Variants in AADACL3 observed in about 807,000 individuals in gnomAD.
AADACL3 encodes the protein arylacetamide deacetylase like 3.
In AADACL3, 13 loss-of-function variants were observed where a neutral mutation model predicts 13.6. That is an observed-to-expected ratio of 0.95 (90% CI 0.62 to 1.52). The LOEUF is 1.52. AADACL3 is among the 40% of genes most tolerant of loss of function. The pLI is 0.00. For synonymous variants in AADACL3, 195 were observed against 197.0 expected, an observed-to-expected ratio of 0.99 and a Z score of 0.08; for missense variants, 519 against 499.2, an observed-to-expected ratio of 1.04 and a Z score of -0.38.
At chr1:12,719,907 A>T (rs1648531471) in intron 2 of AADACL3, among the ~76,000 whole-genome samples, 1 of 152,208 alleles carries the variant, frequency 6.6e-6, no homozygotes, top group Admixed American at 6.5e-5. Flanking sequence ...TAGTTAAATT[A>T]ACAATACTGT....
chr1:12,717,275 T>A (rs1648458024), intron 1 of AADACL3, among the ~76,000 whole-genome samples: 1 of 152,180 alleles, frequency 6.6e-6, no homozygotes. Flanking sequence ...AGTCAGCTTT[T>A]ATAAGATGCA....
At chr1:12,716,472 AC>A in intron 1 of AADACL3, 128 bp downstream of exon 1, 1 of 1,328,770 alleles carries the variant, frequency 7.5e-7, no homozygotes, top group African/African-American at 1.4e-5. Context: ...AGCTGATCAG[AC>A]CTTCTGAAAT....
intron 2 of AADACL3, 95 bp from the exon 3 acceptor site, chr1:12,720,788 A>C (rs563583119): frequency 9.4e-7 from 1 of 1,063,912 alleles, no homozygotes; most frequent in Non-Finnish European, 1.4e-6. Flanking sequence ...CCTAGTCGGC[A>C]TCGGCCCAAG....
rs1003345100 is a variant in AADACL3, at chr1:12,727,810, A to G, written c.*1814A>G. On this transcript the variant is annotated 3_prime_UTR_variant, in exon 4 of 4. Transcript: ENST00000359318. ...AATGGGTGAGGCCGCCTCTGAGACAAGCCTCTGAGTTGAGGCTGGGAGAGG... is the reference window on the plus strand; with the variant it reads ...AATGGGTGAGGCCGCCTCTGAGACAGGCCTCTGAGTTGAGGCTGGGAGAGG... 14 of 152,190 alleles carry G rather than the reference A, an allele frequency of 9.2e-5. No homozygotes were observed. The highest frequency in any genetic ancestry group is 3.1e-4 in the African/African-American group (13 of 41,436). The allele number at this position is 152,190 out of a possible 1,614,324, so 9.4% of individuals were successfully genotyped here.
Position 12,716,146 on chromosome 1 carries a change from T to A in AADACL3, c.-31T>A. ...TAAATGGTTTACACTGCGCACAGCT[T>A]CCTCTCAGCCCGCTCTGAGCTGGAA... On this transcript the variant is annotated 5_prime_UTR_variant, in exon 1 of 4. Coordinates refer to ENST00000359318, the MANE Select transcript of AADACL3 (RefSeq NM_001103170.3). 1.4e-6 allele frequency: 1 copy of A among 692,778 alleles called. No individual in the cohort carries two copies. The highest frequency in any genetic ancestry group is 2.6e-5 in the East Asian group (1 of 38,574). The allele number at this position is 692,778 out of a possible 1,614,324, so 42.9% of individuals were successfully genotyped here. A position where few individuals can be genotyped will look rare whatever the true frequency, so the allele number is the denominator to read the frequency against.
At chr1:12,717,784 T>C (rs1316356668) in intron 1 of AADACL3, among the ~76,000 whole-genome samples, 2 of 152,096 alleles carry the variant, frequency 1.3e-5, no homozygotes, top group Non-Finnish European at 2.9e-5. Flanking sequence ...TCCTGGGGCA[T>C]CTTGAGCCCC....
chr1:12,716,156 C>A lies in AADACL3; in HGVS notation c.-21C>A. 1 of 728,470 alleles carries A rather than the reference C, an allele frequency of 1.4e-6. No individual in the cohort carries two copies. Among genetic ancestry groups the A allele is most frequent in the Non-Finnish European group, 2.4e-6 (1 of 410,368 alleles). 45.1% of individuals were successfully genotyped at this position (728,470 alleles called of 1,614,324 possible). A position where few individuals can be genotyped will look rare whatever the true frequency, so the allele number is the denominator to read the frequency against. On this transcript the variant is annotated 5_prime_UTR_variant, in exon 1 of 4. Transcript: ENST00000359318. ...ACACTGCGCACAGCTTCCTCTCAGC[C>A]CGCTCTGAGCTGGAAGCAGCATGTG...
rs1333392006 is a variant in AADACL3, at chr1:12,726,516, T to C, written c.*520T>C. On this transcript the variant is annotated 3_prime_UTR_variant, in exon 4 of 4. Coordinates refer to ENST00000359318, the MANE Select transcript of AADACL3 (RefSeq NM_001103170.3). ...CACCCACCTACTCTTCTGTGAACAG[T>C]AGTGACTTTTCCCGCTGTTTCTCAG... The C allele has an allele frequency of 2.6e-5, 4 of 154,224 alleles. No individual in the cohort carries two copies. Among genetic ancestry groups the C allele is most frequent in the African/African-American group, 9.7e-5 (4 of 41,434 alleles). 9.6% of individuals were successfully genotyped at this position (154,224 alleles called of 1,614,324 possible).
At chr1:12,723,137 G>T (rs1301172158) in intron 3 of AADACL3, among the ~76,000 whole-genome samples, 1 of 152,088 alleles carries the variant, frequency 6.6e-6, no homozygotes, top group African/African-American at 2.4e-5. Context: ...TTCTCAGAGT[G>T]CTGAGGTTAT....
chr1:12,718,733 T>C (rs1648496294), intron 1 of AADACL3, among the ~76,000 whole-genome samples: 2 of 152,166 alleles, frequency 1.3e-5, no homozygotes. Flanking sequence ...ACTCCTGACC[T>C]CAAGTGACCC....
Position 12,725,281 on chromosome 1 carries a change from C to T in AADACL3, c.509C>T (p.Thr170Ile), listed in dbSNP as rs762277517. 1.2e-6 allele frequency: 2 copies of T among 1,613,816 alleles called. No homozygotes were observed. The highest frequency in any genetic ancestry group is 1.7e-6 in the Non-Finnish European group (2 of 1,179,896). The stretch of plus-strand genomic sequence containing the variant: ...CCAGTAAGAGACTGCTTGGTGGCCA[C>T]CATCCACTTCCTGAAGTCCCTGGAT... ...PVPVRDCLVATIHFLKSLDAY... is the reference protein window; with the variant it reads ...PVPVRDCLVAIIHFLKSLDAY... The change falls in exon 4 of 4, where the codon ACC (threonine) becomes ATC (isoleucine). Residue 170 changes from threonine (T) to isoleucine (I), a missense_variant. Physicochemically the swap from Thr to Ile is moderately conservative, Grantham distance 89. Transcript: ENST00000359318.
intron 1 of AADACL3, among the ~76,000 whole-genome samples, chr1:12,716,833 C>T (rs1648447415): frequency 6.6e-6 from 1 of 152,208 alleles, no homozygotes; most frequent in South Asian, 2.1e-4. Flanking sequence ...GCCCCCACTG[C>T]TATCTACCTG....
Position 12,726,935 on chromosome 1 carries a change from T to G in AADACL3, c.*939T>G, listed in dbSNP as rs1638381642. 1 of 152,270 alleles carries G rather than the reference T, an allele frequency of 6.6e-6. No individual in the cohort carries two copies. The highest frequency in any genetic ancestry group is 1.5e-5 in the Non-Finnish European group (1 of 68,068). The allele number at this position is 152,270 out of a possible 1,614,324, so 9.4% of individuals were successfully genotyped here. A position where few individuals can be genotyped will look rare whatever the true frequency, so the allele number is the denominator to read the frequency against. ...GACAATAGATTGGCTTAGGTAGGGA[T>G]GCATGCTAGGCATACATCAGGCAAG... On this transcript the variant is annotated 3_prime_UTR_variant, in exon 4 of 4. Coordinates refer to ENST00000359318, the MANE Select transcript of AADACL3 (RefSeq NM_001103170.3).
At chr1:12,724,080 G>A (rs3128465) in intron 3 of AADACL3, among the ~76,000 whole-genome samples, 27,117 of 152,168 alleles carry the variant, frequency 0.18, 2,687 homozygotes, top group Middle Eastern at 0.24. Context: ...CACTGCACCC[G>A]GTTGGCTTTA....
intron 1 of AADACL3, among the ~76,000 whole-genome samples, chr1:12,719,215 G>T (rs2100209001): frequency 6.6e-6 from 1 of 152,278 alleles, no homozygotes; most frequent in Non-Finnish European, 1.5e-5. Context: ...AGCCTGGCTT[G>T]TAGTGGCTGC....
rs199653755 is a variant in AADACL3 at position 12,719,700 on chromosome 1, C to G, written c.385+9C>G. The G allele has an allele frequency of 8.1e-6, 13 of 1,611,616 alleles. No homozygotes were observed. The South Asian group carries it at 1.3e-4, about 16-fold the overall frequency. On this transcript the variant is annotated intron_variant, in intron 2 of 3. Transcript: ENST00000359318. ...CGTCATGGGGAGTTTGAGTAAGAACCATTTTCTCAGACCTCCTAAAGGGTG... is the reference window on the plus strand; with the variant it reads ...CGTCATGGGGAGTTTGAGTAAGAACGATTTTCTCAGACCTCCTAAAGGGTG...
At chr1:12,720,762 C>T in intron 2 of AADACL3, 121 bp from the exon 3 acceptor site, 1 of 764,372 alleles carries the variant, frequency 1.3e-6, no homozygotes, top group South Asian at 1.4e-5. Context: ...CGGAAGTTTG[C>T]TGGAGTAGAG....
At chr1:12,716,673 A>C (rs1430295274) in intron 1 of AADACL3, among the ~76,000 whole-genome samples, 1 of 152,188 alleles carries the variant, frequency 6.6e-6, no homozygotes, top group Admixed American at 6.5e-5. Context: ...TTTTATTTTT[A>C]AAATTGAGGT....
chr1:12,720,528 G>A (rs1410132899), intron 2 of AADACL3, among the ~76,000 whole-genome samples: 2 of 152,146 alleles, frequency 1.3e-5, no homozygotes, highest in African/African-American at 2.4e-5. Context: ...AGCCTCAGGA[G>A]GTTAAGAGAC....
Sources: gnomAD v4.1 joint callset for allele counts (sites outside exome capture counted in the v4.1 genomes callset) on GRCh38, gnomAD v4.1.1 for gene constraint, MANE v1.5 for transcripts, NCBI Gene and HGNC (gene_info 2026-07-23, HGNC 2026-07-21) for gene names.